The following SPIRE2 variants were observed in gnomAD, a reference collection of about 807,000 sequenced individuals.
SPIRE2 encodes protein spire homolog 2.
A neutral mutation model predicts 80.7 loss-of-function variants in SPIRE2; 76 were observed. The observed-to-expected ratio is 0.94, with a 90% confidence interval of 0.78 to 1.14. The LOEUF is 1.14. Ranked by LOEUF, SPIRE2 falls within the 50% of genes most tolerant of loss-of-function variation. The pLI is 0.00. For missense variants in SPIRE2, 1,196 were observed against 1,015.3 expected, an observed-to-expected ratio of 1.18 and a Z score of -2.42; for synonymous variants, 535 against 432.6, an observed-to-expected ratio of 1.24 and a Z score of -2.94.
intron 1 of SPIRE2, 76 bp from the exon 2 acceptor site, chr16:89,845,246 G>A: frequency 1.5e-6 from 2 of 1,311,752 alleles, no homozygotes; most frequent in Non-Finnish European, 2.2e-6. Flanking sequence ...TCCCCGAGGG[G>A]GAGGTGGGGG....
In SPIRE2 at chr16:89,828,983, T is replaced by C. The variant is rs1444199325; in HGVS notation, c.244+189T>C. Among the ~76,000 whole-genome samples, 1 of 152,008 alleles carries C rather than the reference T, an allele frequency of 6.6e-6. No homozygotes were observed. The highest frequency in any genetic ancestry group is 6.5e-5 in the Admixed American group (1 of 15,272). On this transcript the variant is annotated intron_variant, in intron 1 of 14. Transcript: ENST00000378247. The surrounding 1 kb of genome is among the most constrained non-coding windows in gnomAD (Gnocchi z 5.9). The stretch of plus-strand genomic sequence containing the variant: ...TTTCCCTCTCTCTTTCCTCCCTCCT[T>C]CTCTCCCTCCTTCCTCTCCCTCCCC...
chr16:89,845,265 T>C, intron 1 of SPIRE2, 57 bp from the exon 2 acceptor site: 1 of 1,507,060 alleles, frequency 6.6e-7, no homozygotes, highest in Non-Finnish European at 9.2e-7. Context: ...GGGACAGCAG[T>C]GTTTATTGGG....
At position 89,842,598 on chromosome 16, in the gene SPIRE2, A is replaced by G. The variant is rs75628203; in HGVS notation, c.245-2724A>G. Among the ~76,000 whole-genome samples, 11 of 152,356 alleles carry G rather than the reference A, an allele frequency of 7.2e-5. No homozygotes were observed. The East Asian group carries it at 2.1e-3, about 29-fold the overall frequency. On this transcript the variant is annotated intron_variant, in intron 1 of 14. Coordinates refer to ENST00000378247, the MANE Select transcript of SPIRE2 (RefSeq NM_032451.2). ...CACAAACATTAAAATTATTCCAACC[A>G]GAAGCTTCCCATGCACTGAGGACCT...
At chr16:89,854,741 C>T (rs963501948) in intron 5 of SPIRE2, 90 bp downstream of exon 5, 4 of 1,330,812 alleles carry the variant, frequency 3.0e-6, no homozygotes, top group South Asian at 2.6e-5. Flanking sequence ...TGTTGGGCAG[C>T]CCACCCCAGA....
chr16:89,843,254 A>G (rs1819019806), intron 1 of SPIRE2, among the ~76,000 whole-genome samples: 1 of 152,148 alleles, frequency 6.6e-6, no homozygotes, highest in African/African-American at 2.4e-5. Flanking sequence ...CCTTGGAGCA[A>G]ACAGATTCAT....
intron 10 of SPIRE2, chr16:89,862,698 C>G (rs909810330): frequency 8.5e-5 from 13 of 152,286 alleles, no homozygotes; most frequent in African/African-American, 2.4e-4. Context: ...CCCGCTCCCC[C>G]CAATGCCAGG....
At chr16:89,832,705 A>C (rs924350881) in intron 1 of SPIRE2, among the ~76,000 whole-genome samples, 1 of 152,170 alleles carries the variant, frequency 6.6e-6, no homozygotes, top group Non-Finnish European at 1.5e-5. Context: ...AGATGAGGCC[A>C]GGTGCCCCTT....
intron 1 of SPIRE2, among the ~76,000 whole-genome samples, chr16:89,842,229 T>TTTTTTTTTTTTTTTTTTC (rs1299656862): frequency 1.5e-5 from 2 of 137,484 alleles, no homozygotes; most frequent in African/African-American, 6.1e-5. Flanking sequence ...TTTTTTTTTT[T>TTTTTTTTTTTTTTTTTTC]TGTGACGGAG....
chr16:89,854,179 G>T, intron 3 of SPIRE2, 107 bp from the exon 4 acceptor site: 1 of 1,017,476 alleles, frequency 9.8e-7, no homozygotes, highest in South Asian at 1.5e-5. Flanking sequence ...TTTTCCGGCT[G>T]GTCGAGTGGA....
chr16:89,828,778 G>A lies in SPIRE2; in HGVS notation c.228G>A (p.Arg76=), dbSNP rs761637678. The A allele has an allele frequency of 2.0e-5, 24 of 1,185,172 alleles. No individual in the cohort carries two copies. Among genetic ancestry groups the A allele is most frequent in the Non-Finnish European group, 7.3e-6 (7 of 958,170 alleles). 73.4% of individuals were successfully genotyped at this position (1,185,172 alleles called of 1,614,324 possible). Residue 76 remains arginine (R), a synonymous_variant, in exon 1 of 15, where the codon CGG becomes CGA. Coordinates refer to ENST00000378247, the MANE Select transcript of SPIRE2 (RefSeq NM_032451.2). This position sits in a 1 kb window ranked among gnomAD's most constrained non-coding sequence, Gnocchi z 5.9. ...GCGGGGACGGCTCGGTCGGGGCGCGGGAGCCCGAGGCCGCGGGTGAGGCCG... is the reference window on the plus strand; with the variant it reads ...GCGGGGACGGCTCGGTCGGGGCGCGAGAGCCCGAGGCCGCGGGTGAGGCCG... ...LLRGDGSVGA[R]EPEAAEPATM...
Position 89,850,450 on chromosome 16 carries a change from C to T in SPIRE2, c.435C>T (p.Ala145=), listed in dbSNP as rs747631203. 66 of 1,569,622 alleles carry T rather than the reference C, an allele frequency of 4.2e-5. 1 individual carries two copies. Among genetic ancestry groups the T allele is most frequent in the East Asian group, 3.7e-4 (16 of 43,594 alleles). ...GCGAGGACAGCGGCTGCGGTGCCGC[C>T]GATGAGGGCTACGGGGGTCCCGAGG... is the stretch of plus-strand genomic sequence containing the variant. ...NDSEDSGCGA[A]DEGYGGPEEE... The change falls in exon 3 of 15, where the codon GCC becomes GCT. Residue 145 remains alanine (A), a synonymous_variant. Transcript: ENST00000378247.
At position 89,869,959 on chromosome 16, in the gene SPIRE2, G is replaced by A. The variant is rs549101670; in HGVS notation, c.1923-91G>A. The A allele has an allele frequency of 1.1e-5, 13 of 1,165,208 alleles. No homozygotes were observed. In the African/African-American group the frequency reaches 1.8e-4, roughly 16 times the overall value. The allele number at this position is 1,165,208 out of a possible 1,614,324, so 72.2% of individuals were successfully genotyped here. A position where few individuals can be genotyped will look rare whatever the true frequency, so the allele number is the denominator to read the frequency against. Reference sequence around the variant, plus strand: ...AAGGGGAGGCCTAGGGTGAAAGGCAGCCAGGAGGGGGCTGTGGCATGCACA... The same window carrying A: ...AAGGGGAGGCCTAGGGTGAAAGGCAACCAGGAGGGGGCTGTGGCATGCACA... On this transcript the variant is annotated intron_variant, in intron 14 of 14. Transcript: ENST00000378247.
rs1171151565 is a variant in SPIRE2 at position 89,850,464 on chromosome 16, G to C, written c.449G>C (p.Gly150Ala). The C allele has an allele frequency of 3.5e-5, 54 of 1,556,004 alleles. No homozygotes were observed. Among genetic ancestry groups the C allele is most frequent in the Non-Finnish European group, 4.5e-5 (52 of 1,152,738 alleles). The change falls in exon 3 of 15, where the codon GGG becomes GCG. Residue 150 changes from glycine (G) to alanine (A), a missense_variant. Gly to Ala is a moderately conservative substitution (Grantham distance 60). Transcript: ENST00000378247. ...TGCGGTGCCGCCGATGAGGGCTACG[G>C]GGGTCCCGAGGAGGAGGAGGAGGCC... ...SGCGAADEGY[G>A]GPEEEEEAEG...
At chr16:89,856,742 G>GA (rs1250988651) in intron 7 of SPIRE2, among the ~76,000 whole-genome samples, 1 of 151,372 alleles carries the variant, frequency 6.6e-6, no homozygotes, top group Non-Finnish European at 1.5e-5. Context: ...TTACAGGTGT[G>GA]AACCACTGCA....
At chr16:89,854,430 G>A in intron 4 of SPIRE2, 57 bp from the exon 5 acceptor site, 1 of 1,610,024 alleles carries the variant, frequency 6.2e-7, no homozygotes. Context: ...GTCTCTGCCT[G>A]GGGGGCCGTG....
Position 89,858,357 on chromosome 16 carries a change from C to A in SPIRE2, c.1122C>A (p.Cys374Ter). 6.2e-7 allele frequency: 1 copy of A among 1,607,044 alleles called. No homozygotes were observed. The change falls in exon 8 of 15, where the codon TGC becomes TGA. Residue 374 changes from cysteine (C) to a stop codon, truncating the protein, a stop_gained. Coordinates refer to ENST00000378247, the MANE Select transcript of SPIRE2 (RefSeq NM_032451.2). LOFTEE classifies it high-confidence loss of function. ...WAARGFGSLP[C>*]ILNACSGDAK... ...CCCCAGGGTTTGGCTCTCTGCCCTG[C>A]ATCCTCAACGCCTGCTCCGGAGATG...
intron 1 of SPIRE2, among the ~76,000 whole-genome samples, chr16:89,829,734 ACAC>A (rs2041361450): frequency 7.1e-6 from 1 of 140,078 alleles, no homozygotes; most frequent in African/African-American, 2.5e-5. Flanking sequence ...AGCTGCCTCC[ACAC>A]TCCTGCCATT....
intron 2 of SPIRE2, chr16:89,849,900 C>T (rs1364256375): frequency 3.7e-5 from 13 of 346,990 alleles, no homozygotes; most frequent in Non-Finnish European, 5.6e-5. Context: ...TGCAGAGGCC[C>T]GATCTCGGTT....
At chr16:89,864,303 G>A (rs1192118674) in intron 12 of SPIRE2, among the ~76,000 whole-genome samples, 6 of 152,158 alleles carry the variant, frequency 3.9e-5, no homozygotes, top group South Asian at 2.1e-4. Flanking sequence ...CGAGTCCGCC[G>A]TGTAGAACTC....
Sources: gnomAD v4.1 joint callset for allele counts (sites outside exome capture counted in the v4.1 genomes callset) on GRCh38, gnomAD v4.1.1 for gene constraint, Gnocchi (gnomAD v3.1) non-coding constraint, MANE v1.5 for transcripts, NCBI Gene and HGNC (gene_info 2026-07-23, HGNC 2026-07-21) for gene names.